Variants in HSP90AB1 observed in about 807,000 individuals in gnomAD.
HSP90AB1 encodes the protein heat shock protein 90 alpha family class B member 1.
In HSP90AB1, 17 loss-of-function variants were observed where a neutral mutation model predicts 67.8. The ratio of observed to expected loss-of-function variants is 0.25; its 90% CI spans 0.17 to 0.38. The LOEUF is 0.38. Ranked by LOEUF, HSP90AB1 falls within the 10% of genes least tolerant of loss-of-function variation. HSP90AB1 has a pLI of 1.00. For synonymous variants in HSP90AB1, 390 were observed against 312.9 expected (o/e 1.25, Z -2.60); for missense variants, 690 against 899.9 (o/e 0.77, Z 2.98).
At position 44,251,723 on chromosome 6, in the gene HSP90AB1, TC is replaced by T. The variant is rs760519222; in HGVS notation, c.1315-11del. 14 of 1,611,284 alleles carry T rather than the reference TC, an allele frequency of 8.7e-6. No individual in the cohort carries two copies. Among genetic ancestry groups the T allele is most frequent in the African/African-American group, 1.3e-5 (1 of 74,806 alleles). ...AGTTAAGCTGGATTGTTTTTCCTCT[TC>T]CCACCCTTCAAGCTTGGAATCCACG... On this transcript the variant is annotated splice_polypyrimidine_tract_variant and intron_variant, in intron 8 of 11. Transcript: ENST00000371646.
chr6:44,246,329 C>G (rs761242212), upstream of HSP90AB1: 1 of 152,252 alleles, frequency 6.6e-6, no homozygotes, highest in Non-Finnish European at 1.5e-5. Flanking sequence ...GGCTGGTACC[C>G]GCGTCTCTCG....
At chr6:44,249,350 A>G in intron 2 of HSP90AB1, 27 bp from the exon 3 acceptor site, 1 of 1,590,822 alleles carries the variant, frequency 6.3e-7, no homozygotes, top group East Asian at 2.2e-5. Flanking sequence ...GGAAAGAGCA[A>G]AAGTAAGTTG....
rs1200199887 is a variant in HSP90AB1 at position 44,252,181 on chromosome 6, GAGA to G, written c.1655_1657del (p.Lys552del). ...TCTGGAGCTGCCTGAGGATGAGGAGGAGAAGAAGAAGATGGAAGAGAGCAAGGC... is the reference window on the plus strand; with the variant it reads ...TCTGGAGCTGCCTGAGGATGAGGAGGAGAAGAAGATGGAAGAGAGCAAGGC... On this transcript the variant is annotated inframe_deletion, in exon 10 of 12. Transcript: ENST00000371646. The G allele has an allele frequency of 7.4e-6, 12 of 1,614,050 alleles. No individual in the cohort carries two copies. The highest frequency in any genetic ancestry group is 2.2e-5 in the East Asian group (1 of 44,900).
rs750510295 is a variant in HSP90AB1 at position 44,252,040 on chromosome 6, C to T, written c.1504C>T (p.Arg502Ter). 3 of 1,614,074 alleles carry T rather than the reference C, an allele frequency of 1.9e-6. No individual in the cohort carries two copies. Among genetic ancestry groups the T allele is most frequent in the African/African-American group, 1.3e-5 (1 of 75,026 alleles). ...EQVANSAFVE[R>*]VRKRGFEVVY... ...GGTGGCCAACTCAGCTTTTGTGGAG[C>T]GAGTGCGGAAACGGGGCTTCGAGGT... Residue 502 changes from arginine to a stop codon, truncating the protein, a stop_gained, in exon 10 of 12, where the codon CGA (arginine) becomes TGA (stop). Transcript: ENST00000371646. LOFTEE classifies it high-confidence loss of function.
In HSP90AB1 at chr6:44,249,434, A is replaced by G. The variant is rs1176976261; in HGVS notation, c.205A>G (p.Lys69Glu). The change falls in exon 3 of 12, where the codon AAA (lysine) becomes GAA (glutamate). Residue 69 changes from lysine (K) to glutamate (E), a missense_variant. Around this residue, in one of 7 missense-constraint regions of HSP90AB1, gnomAD observed 88 missense variants for 167.7 expected, o/e 0.52. Coordinates refer to ENST00000371646, the MANE Select transcript of HSP90AB1 (RefSeq NM_007355.4). ...AGACCCTTCGAAGTTGGACAGTGGT[A>G]AAGAGCTGAAAATTGACATCATCCC... ...LTDPSKLDSG[K>E]ELKIDIIPNP... 1 of 1,613,918 alleles carries G rather than the reference A, an allele frequency of 6.2e-7. No homozygotes were observed.
Position 44,251,131 on chromosome 6 carries a change from G to C in HSP90AB1, c.1041G>C (p.Lys347Asn). Reference protein sequence around the residue: ...RRAPFDLFENKKKKNNIKLYV... With the variant: ...RRAPFDLFENNKKKNNIKLYV... ...CTCCCTTTGACCTTTTTGAGAACAA[G>C]AAGAAAAAGAACAACATCAAACTCT... The change falls in exon 7 of 12, where the codon AAG (lysine) becomes AAC (asparagine). Residue 347 changes from lysine to asparagine, a missense_variant. Lys to Asn is a moderately conservative substitution (Grantham distance 94). This residue lies in a region of HSP90AB1 where 101 missense variants were observed against 174.8 expected (regional missense o/e 0.58). Transcript: ENST00000371646. The C allele has an allele frequency of 6.2e-7, 1 of 1,614,112 alleles. No individual in the cohort carries two copies. Among genetic ancestry groups the C allele is most frequent in the South Asian group, 1.1e-5 (1 of 91,088 alleles).
At chr6:44,252,723 C>T (rs1167789217) in intron 10 of HSP90AB1, among the ~76,000 whole-genome samples, 1 of 151,948 alleles carries the variant, frequency 6.6e-6, no homozygotes, top group Non-Finnish European at 1.5e-5. Flanking sequence ...GTCTCCATCT[C>T]CTGACCTTGT....
At chr6:44,251,681 G>T in intron 8 of HSP90AB1, 56 bp from the exon 9 acceptor site, 1 of 1,595,352 alleles carries the variant, frequency 6.3e-7, no homozygotes, top group Non-Finnish European at 8.6e-7. Flanking sequence ...CATTCACATT[G>T]AAAGTGAAGT....
rs34242605 is a variant in HSP90AB1, at chr6:44,249,094, C to G, written c.148-283C>G. ...AAAAGTGGCTGAGCGTGTTGGCTCA[C>G]ACCTGTAATGCCAAGGCAGGAGGAT... On this transcript the variant is annotated intron_variant, in intron 2 of 11. Coordinates refer to ENST00000371646, the MANE Select transcript of HSP90AB1 (RefSeq NM_007355.4). Among the ~76,000 whole-genome samples the G allele has an allele frequency of 2.7e-3, 404 of 152,294 alleles. 3 individuals are homozygous for G. The highest frequency in any genetic ancestry group is 9.5e-3 in the African/African-American group (396 of 41,558).
chr6:44,249,474 G>T lies in HSP90AB1; in HGVS notation c.245G>T (p.Arg82Leu). Residue 82 changes from arginine to leucine, a missense_variant, in exon 3 of 12, where the codon CGT (arginine) becomes CTT (leucine). Arg to Leu is a moderately radical substitution (Grantham distance 102). Transcript: ENST00000371646. Reference protein sequence around the residue: ...KIDIIPNPQERTLTLVDTGIG... With the variant: ...KIDIIPNPQELTLTLVDTGIG... Reference sequence around the variant, plus strand: ...GACATCATCCCCAACCCTCAGGAACGTACCCTGACTTTGGTAGACACAGGC... The same window carrying T: ...GACATCATCCCCAACCCTCAGGAACTTACCCTGACTTTGGTAGACACAGGC... 1.2e-6 allele frequency: 2 copies of T among 1,613,836 alleles called. No homozygotes were observed. The highest frequency in any genetic ancestry group is 2.7e-5 in the African/African-American group (2 of 75,040).
chr6:44,251,970 G>A, intron 9 of HSP90AB1, 29 bp from the exon 10 acceptor site: 1 of 1,613,864 alleles, frequency 6.2e-7, no homozygotes, highest in Non-Finnish European at 8.5e-7. Flanking sequence ...AGGCATTTTA[G>A]TCACTGAGTT....
rs11538981 is a variant in HSP90AB1 at position 44,249,812 on chromosome 6, C to T, written c.492C>T (p.Ser164=). 3 of 1,611,600 alleles carry T rather than the reference C, an allele frequency of 1.9e-6. No homozygotes were observed. Among genetic ancestry groups the T allele is most frequent in the Non-Finnish European group, 2.5e-6 (3 of 1,178,634 alleles). Residue 164 remains serine, a synonymous_variant, in exon 4 of 12, where the codon TCC becomes TCT. Coordinates refer to ENST00000371646, the MANE Select transcript of HSP90AB1 (RefSeq NM_007355.4). ...CTTGGGAGTCTTCTGCTGGAGGTTCCTTCACTGTGCGTGCTGACCATGGTA... is the reference window on the plus strand; with the variant it reads ...CTTGGGAGTCTTCTGCTGGAGGTTCTTTCACTGTGCGTGCTGACCATGGTA... ...QYAWESSAGG[S]FTVRADHGEP... is the part of the protein sequence containing the mutation.
intron 7 of HSP90AB1, 51 bp from the exon 8 acceptor site, chr6:44,251,367 G>C (rs1303931233): frequency 1.3e-6 from 2 of 1,569,158 alleles, no homozygotes; most frequent in South Asian, 2.3e-5. Context: ...CTGGGGACCA[G>C]GTCTGGTCTA....
At chr6:44,249,330 AGTCT>A in intron 2 of HSP90AB1, 43 bp from the exon 3 acceptor site, 1 of 1,473,930 alleles carries the variant, frequency 6.8e-7, no homozygotes, top group Non-Finnish European at 9.5e-7. Flanking sequence ...ACAGAGCAAG[AGTCT>A]GTCTTGGAAA....
At chr6:44,246,855 C>T (rs1388636179), upstream of HSP90AB1, among the ~76,000 whole-genome samples, 2 of 152,212 alleles carry the variant, frequency 1.3e-5, no homozygotes, top group Non-Finnish European at 2.9e-5. Context: ...CTCCTCATCC[C>T]CGCTCTTGAT....
intron 6 of HSP90AB1, among the ~76,000 whole-genome samples, chr6:44,250,826 TAC>T (rs1331726989): frequency 6.6e-6 from 1 of 152,250 alleles, no homozygotes; most frequent in Non-Finnish European, 1.5e-5. Flanking sequence ...TTGGCAGCCT[TAC>T]ACATCCAGGG....
chr6:44,252,506 CTTTT>C (rs1193303582), intron 10 of HSP90AB1, among the ~76,000 whole-genome samples: 9 of 147,644 alleles, frequency 6.1e-5, no homozygotes, highest in Non-Finnish European at 1.3e-4. Flanking sequence ...TTTTTTTTTT[CTTTT>C]TTTGAGATGG....
chr6:44,251,678 A>G, intron 8 of HSP90AB1, 59 bp from the exon 9 acceptor site: 2 of 1,593,776 alleles, frequency 1.3e-6, no homozygotes, highest in Admixed American at 1.7e-5. Flanking sequence ...TTCCATTCAC[A>G]TTGAAAGTGA....
At position 44,253,701 on chromosome 6, in the gene HSP90AB1, T is replaced by C. The variant is rs1260148973; in HGVS notation, c.*103T>C. The C allele has an allele frequency of 4.6e-6, 4 of 866,310 alleles. No homozygotes were observed. Among genetic ancestry groups the C allele is most frequent in the Non-Finnish European group, 6.0e-6 (3 of 497,030 alleles). The allele number at this position is 866,310 out of a possible 1,614,324, so 53.7% of individuals were successfully genotyped here. A position where few individuals can be genotyped will look rare whatever the true frequency, so the allele number is the denominator to read the frequency against. On this transcript the variant is annotated 3_prime_UTR_variant, in exon 12 of 12. Coordinates refer to ENST00000371646, the MANE Select transcript of HSP90AB1 (RefSeq NM_007355.4). The stretch of plus-strand genomic sequence containing the variant: ...TGTCCCACCTGGCTCCCCCTGCTGG[T>C]GTCTAGTGTTTTTTTCCCTCTCCTG...
Sources: gnomAD v4.1 joint callset for allele counts (sites outside exome capture counted in the v4.1 genomes callset) on GRCh38, gnomAD v4.1.1 for gene constraint, gnomAD v4.1.1 regional missense constraint, MANE v1.5 for transcripts, NCBI Gene and HGNC (gene_info 2026-07-23, HGNC 2026-07-21) for gene names.